Variants in ADARB2 observed in about 807,000 individuals in gnomAD.
ADARB2 encodes adenosine deaminase RNA specific B2 (inactive).
In ADARB2, 25 loss-of-function variants were observed where a neutral mutation model predicts 62.2. That is an observed-to-expected ratio of 0.40 (90% CI 0.29 to 0.56). The LOEUF is 0.56. Ranked by LOEUF, ADARB2 falls within the 20% of genes least tolerant of loss-of-function variation. The pLI is 0.43. For missense variants in ADARB2, 1,071 were observed against 1,077.4 expected (o/e 0.99, Z 0.08); for synonymous variants, 572 against 500.8 (o/e 1.14, Z -1.90).
rs1164643195 is a variant in ADARB2, at chr10:1,200,039, G to A, written c.1791C>T (p.Arg597=). ...CACCCTCCATGCGGTGGCTCATGAC[G>A]CGTGCGAGGTGGCCCGTGTGGTGCA... ...GSLHHTGHLA[R]VMSHRMEGVG... is the part of the protein sequence containing the mutation. The change falls in exon 8 of 10, where the codon CGC becomes CGT. Residue 597 remains arginine (R), a synonymous_variant. Coordinates refer to ENST00000381312, the MANE Select transcript of ADARB2 (RefSeq NM_018702.4). 5 of 1,596,006 alleles carry A rather than the reference G, an allele frequency of 3.1e-6. No homozygotes were observed. The highest frequency in any genetic ancestry group is 2.3e-5 in the East Asian group (1 of 44,396).
chr10:1,721,607 A>G (rs1229268295), intron 1 of ADARB2, among the ~76,000 whole-genome samples: 1 of 152,246 alleles, frequency 6.6e-6, no homozygotes, highest in African/African-American at 2.4e-5. Context: ...TTTACACATA[A>G]AGAATTTTAT....
intron 1 of ADARB2, among the ~76,000 whole-genome samples, chr10:1,594,127 T>TA (rs1380166154): frequency 6.6e-6 from 1 of 152,024 alleles, no homozygotes. Context: ...CTGTCTCTAC[T>TA]AAAAATACAA....
At chr10:1,456,656 C>A (rs150135962) in intron 1 of ADARB2, among the ~76,000 whole-genome samples, 1 of 152,178 alleles carries the variant, frequency 6.6e-6, no homozygotes, top group Non-Finnish European at 1.5e-5. Flanking sequence ...GCTCGAGACG[C>A]GCGGGGCGTG....
chr10:1,549,857 C>G (rs1204341564), intron 1 of ADARB2, among the ~76,000 whole-genome samples: 1 of 152,140 alleles, frequency 6.6e-6, no homozygotes, highest in African/African-American at 2.4e-5. Context: ...GCCAGGAGAG[C>G]CTCTCACCCC....
At chr10:1,196,814 C>G (rs1310131047) in intron 8 of ADARB2, among the ~76,000 whole-genome samples, 1 of 152,138 alleles carries the variant, frequency 6.6e-6, no homozygotes, top group African/African-American at 2.4e-5. Context: ...GTTGGCCAGG[C>G]TGGTCTCAAA....
At chr10:1,421,640 C>T (rs1348129033) in intron 1 of ADARB2, among the ~76,000 whole-genome samples, 1 of 152,152 alleles carries the variant, frequency 6.6e-6, no homozygotes, top group Non-Finnish European at 1.5e-5. Context: ...AGAGTTAAGA[C>T]TCACGATGCT....
intron 1 of ADARB2, 107 bp from the exon 2 acceptor site, chr10:1,379,267 T>C (rs1390460309): frequency 4.5e-6 from 4 of 887,670 alleles, no homozygotes; most frequent in Non-Finnish European, 7.3e-6. Flanking sequence ...GGTGGAGAGG[T>C]CACTTTGGTT....
intron 4 of ADARB2, among the ~76,000 whole-genome samples, chr10:1,269,709 G>T (rs573322632): frequency 6.6e-6 from 1 of 152,182 alleles, no homozygotes; most frequent in Admixed American, 6.5e-5. Flanking sequence ...TGTACCCTGA[G>T]TGGGGGCTGT....
chr10:1,504,968 C>T (rs961283663), intron 1 of ADARB2, among the ~76,000 whole-genome samples: 1 of 151,690 alleles, frequency 6.6e-6, no homozygotes, highest in African/African-American at 2.4e-5. Context: ...ATGACACACA[C>T]AGACACACAT....
chr10:1,241,506 C>T (rs553142971), intron 5 of ADARB2, among the ~76,000 whole-genome samples: 37 of 152,264 alleles, frequency 2.4e-4, no homozygotes, highest in African/African-American at 8.9e-4. Flanking sequence ...ACAGTGAGCC[C>T]TTGGGACTGA....
At chr10:1,467,437 T>G (rs749075656) in intron 1 of ADARB2, among the ~76,000 whole-genome samples, 13 of 152,162 alleles carry the variant, frequency 8.5e-5, no homozygotes, top group Non-Finnish European at 1.8e-4. Flanking sequence ...TTCTTCAAGA[T>G]TAGGCTGAGG....
In ADARB2 at chr10:1,498,760, C is replaced by T. The variant is rs116558291; in HGVS notation, c.101-119600G>A. ...TATAAATTTCAGAAATGACCAAAATCAAAAAATGTTGTTTAGAAATACATC... is the reference window on the plus strand; with the variant it reads ...TATAAATTTCAGAAATGACCAAAATTAAAAAATGTTGTTTAGAAATACATC... On this transcript the variant is annotated intron_variant, in intron 1 of 9. Transcript: ENST00000381312. 7.2e-3 allele frequency among the ~76,000 whole-genome samples: 1,099 copies of T among 152,226 alleles called. 16 individuals carry two copies. The highest frequency in any genetic ancestry group is 0.025 in the African/African-American group (1,052 of 41,552).
intron 8 of ADARB2, among the ~76,000 whole-genome samples, chr10:1,191,525 G>A (rs1056110873): frequency 3.3e-5 from 5 of 152,148 alleles, no homozygotes; most frequent in Admixed American, 6.5e-5. Flanking sequence ...TGGGAATAAC[G>A]CCCTCGCTAC....
At chr10:1,360,676 A>G (rs1446900128) in intron 3 of ADARB2, among the ~76,000 whole-genome samples, 1 of 152,206 alleles carries the variant, frequency 6.6e-6, no homozygotes, top group Non-Finnish European at 1.5e-5. Flanking sequence ...GAGGGAGGGT[A>G]AAATGGGCCC....
intron 1 of ADARB2, among the ~76,000 whole-genome samples, chr10:1,480,421 G>C (rs1232793571): frequency 6.6e-6 from 1 of 152,204 alleles, no homozygotes; most frequent in Non-Finnish European, 1.5e-5. Flanking sequence ...AGTTCTGGCC[G>C]GGCGTGGTGG....
chr10:1,574,003 A>T (rs1416071051), intron 1 of ADARB2, among the ~76,000 whole-genome samples: 1 of 152,118 alleles, frequency 6.6e-6, no homozygotes, highest in African/African-American at 2.4e-5. Flanking sequence ...CAATGACAAG[A>T]CCTCCGTGAT....
chr10:1,233,509 G>C (rs1830829305), intron 6 of ADARB2, among the ~76,000 whole-genome samples, 185 bp downstream of exon 6: 1 of 152,118 alleles, frequency 6.6e-6, no homozygotes, highest in African/African-American at 2.4e-5. Context: ...CCAATCACTT[G>C]AGCATTTCAG....
At chr10:1,264,216 T>A (rs1831171436) in intron 4 of ADARB2, among the ~76,000 whole-genome samples, 1 of 152,254 alleles carries the variant, frequency 6.6e-6, no homozygotes, top group African/African-American at 2.4e-5. Context: ...AGGTTTCTGT[T>A]TAGGGATTTT....
intron 1 of ADARB2, among the ~76,000 whole-genome samples, chr10:1,510,122 T>TTC (rs1831912277): frequency 1.7e-5 from 2 of 115,272 alleles, no homozygotes; most frequent in Non-Finnish European, 3.6e-5. Flanking sequence ...CTTTCTTTCT[T>TTC]TCTTTCTTTC....
Sources: allele counts gnomAD v4.1 joint callset (sites outside exome capture counted in the v4.1 genomes callset), GRCh38; gene constraint gnomAD v4.1.1; transcripts MANE v1.5; gene names NCBI Gene and HGNC (gene_info 2026-07-23, HGNC 2026-07-21).